The following RNLS variants were observed in gnomAD, a reference collection of about 807,000 sequenced individuals.
RNLS encodes renalase, FAD dependent amine oxidase, also known as renalase.
A neutral mutation model predicts 39.8 loss-of-function variants in RNLS; 39 were observed. The observed-to-expected ratio is 0.98, with a 90% CI of 0.76 to 1.28. The LOEUF is 1.28. Among genes scored for constraint, RNLS ranks in the 50% most tolerant of loss-of-function variants. RNLS has a pLI of 0.00. For synonymous variants in RNLS, 147 were observed against 150.7 expected (o/e 0.98, Z 0.18); for missense variants, 410 against 413.3 (o/e 0.99, Z 0.07).
chr10:88,523,203 G>T (rs893984342), intron 4 of RNLS, among the ~76,000 whole-genome samples: 16 of 152,172 alleles, frequency 1.1e-4, no homozygotes, highest in African/African-American at 3.4e-4. Flanking sequence ...TCCTTAAAGG[G>T]AGGATTCTGA....
At chr10:88,262,635 A>G in the RNLS span, among the ~76,000 whole-genome samples, 6 of 152,178 alleles carry the variant, frequency 3.9e-5, no homozygotes, top group Non-Finnish European at 8.8e-5. Context: ...TAAGTGTGTA[A>G]ATTTAGGCAC....
chr10:88,473,811 T>C (rs1412622945), intron 4 of RNLS, among the ~76,000 whole-genome samples: 2 of 152,136 alleles, frequency 1.3e-5, no homozygotes, highest in African/African-American at 4.8e-5. Context: ...ATAAGACTAA[T>C]TAAATAAAAA....
intron 5 of RNLS, among the ~76,000 whole-genome samples, chr10:88,331,632 C>G (rs1847116952): frequency 6.6e-6 from 1 of 152,072 alleles, no homozygotes; most frequent in South Asian, 2.1e-4. Flanking sequence ...AAAACAGATT[C>G]ACATGAGGAG....
intron 4 of RNLS, among the ~76,000 whole-genome samples, chr10:88,517,530 A>G (rs894643301): frequency 6.6e-6 from 1 of 151,938 alleles, no homozygotes; most frequent in South Asian, 2.1e-4. Flanking sequence ...ATGTAATATG[A>G]ACTGAGAAAA....
At chr10:88,408,576 A>C (rs923775362) in intron 4 of RNLS, among the ~76,000 whole-genome samples, 1 of 152,014 alleles carries the variant, frequency 6.6e-6, no homozygotes, top group African/African-American at 2.4e-5. Flanking sequence ...CCGGCCAATA[A>C]ATTTTTTTTC....
At chr10:88,363,659 C>A (rs1849808594) in intron 4 of RNLS, among the ~76,000 whole-genome samples, 2 of 152,054 alleles carry the variant, frequency 1.3e-5, no homozygotes, top group Middle Eastern at 3.2e-3. Flanking sequence ...CAAACACAGA[C>A]ATGCAAAGAA....
intron 4 of RNLS, among the ~76,000 whole-genome samples, chr10:88,507,585 C>T (rs1845863526): frequency 6.6e-6 from 1 of 152,024 alleles, no homozygotes. Context: ...TTTAGATGTC[C>T]CATGTGAGCT....
At chr10:88,538,762 A>G (rs955590035) in intron 4 of RNLS, among the ~76,000 whole-genome samples, 5 of 152,104 alleles carry the variant, frequency 3.3e-5, no homozygotes, top group Non-Finnish European at 7.4e-5. Context: ...TTTCCACCCT[A>G]TGAAATTTAT....
chr10:88,464,357 T>C (rs1338187961), intron 4 of RNLS, among the ~76,000 whole-genome samples: 1 of 152,086 alleles, frequency 6.6e-6, no homozygotes, highest in Admixed American at 6.6e-5. Flanking sequence ...AAGGGCAACT[T>C]TAAAATGTGA....
At chr10:88,514,202 G>A (rs529620424) in intron 4 of RNLS, among the ~76,000 whole-genome samples, 40 of 151,954 alleles carry the variant, frequency 2.6e-4, no homozygotes, top group Admixed American at 1.1e-3. Flanking sequence ...CATGGCAGAA[G>A]GAGAAGCAAG....
chr10:88,192,039 A>G, the RNLS span, among the ~76,000 whole-genome samples: 1 of 151,856 alleles, frequency 6.6e-6, no homozygotes, highest in Non-Finnish European at 1.5e-5. Context: ...AGAGATATAC[A>G]CCCATGGGGT....
intron 4 of RNLS, among the ~76,000 whole-genome samples, chr10:88,425,257 A>G (rs1854673945): frequency 6.6e-6 from 1 of 152,184 alleles, no homozygotes; most frequent in Non-Finnish European, 1.5e-5. Flanking sequence ...AAAATAAACA[A>G]TTCTTCAGTA....
At chr10:88,189,949 C>T in the RNLS span, among the ~76,000 whole-genome samples, 7 of 152,286 alleles carry the variant, frequency 4.6e-5, no homozygotes, top group South Asian at 2.1e-4. Flanking sequence ...CTTCAGCATC[C>T]GCCCTTCGAA....
At chr10:88,367,172 T>G (rs549240325) in intron 4 of RNLS, among the ~76,000 whole-genome samples, 3 of 152,210 alleles carry the variant, frequency 2.0e-5, no homozygotes, top group African/African-American at 7.2e-5. Context: ...AAACTGGCAG[T>G]CAGATCAAGA....
At chr10:88,512,615 A>G (rs547506136) in intron 4 of RNLS, among the ~76,000 whole-genome samples, 7 of 152,160 alleles carry the variant, frequency 4.6e-5, no homozygotes, top group South Asian at 2.1e-4. Flanking sequence ...TGTAAGACAG[A>G]GTACACATTT....
chr10:88,299,793 A>G (rs921300229), intron 6 of RNLS, among the ~76,000 whole-genome samples: 2 of 152,226 alleles, frequency 1.3e-5, no homozygotes, highest in Non-Finnish European at 2.9e-5. Context: ...TGTGTCTTCC[A>G]AATTCTATTT....
intron 4 of RNLS, among the ~76,000 whole-genome samples, chr10:88,483,573 T>A (rs1383142273): frequency 6.6e-6 from 1 of 152,166 alleles, no homozygotes; most frequent in African/African-American, 2.4e-5. Context: ...ATAGACCTTG[T>A]TTACTTGAAT....
intron 4 of RNLS, among the ~76,000 whole-genome samples, chr10:88,496,682 A>G (rs895247445): frequency 2.0e-5 from 3 of 152,176 alleles, no homozygotes; most frequent in Admixed American, 6.6e-5. Context: ...TTCCTTCTAA[A>G]GAACACTTGA....
At chr10:88,479,125 C>CT (rs1564833491) in intron 4 of RNLS, among the ~76,000 whole-genome samples, 1 of 152,150 alleles carries the variant, frequency 6.6e-6, no homozygotes, top group Non-Finnish European at 1.5e-5. Flanking sequence ...ATGTTTCAGT[C>CT]TTGTTTCTTC....
Sources: allele counts gnomAD v4.1 joint callset (sites outside exome capture counted in the v4.1 genomes callset), GRCh38; gene constraint gnomAD v4.1.1; transcripts MANE v1.5; gene names NCBI Gene and HGNC (gene_info 2026-07-23, HGNC 2026-07-21).